MAGI2: variants seen among roughly 807,000 people sequenced by gnomAD.
MAGI2 encodes the protein membrane-associated guanylate kinase, WW and PDZ domain-containing protein 2.
A neutral mutation model predicts 133.3 loss-of-function variants in MAGI2; 35 were observed. That is an observed-to-expected ratio of 0.26 (90% CI 0.20 to 0.35). The LOEUF (loss-of-function observed/expected upper bound fraction) is 0.35. Among genes scored for constraint, MAGI2 ranks in the 10% least tolerant of loss-of-function variants. The pLI, the probability that MAGI2 is intolerant of heterozygous loss-of-function variation, is 1.00. For missense variants in MAGI2, 1,636 were observed against 1,863.4 expected (o/e 0.88, Z 2.25); for synonymous variants, 729 against 710.6 (o/e 1.03, Z -0.41).
chr7:78,645,528 C>T (rs374808628), intron 2 of MAGI2, among the ~76,000 whole-genome samples: 1 of 151,886 alleles, frequency 6.6e-6, no homozygotes, highest in African/African-American at 2.4e-5. Flanking sequence ...TATAATTCAC[C>T]ATATCAACAA....
At chr7:78,061,413 C>A (rs1031345366) in intron 21 of MAGI2, among the ~76,000 whole-genome samples, 1 of 10,932 alleles carries the variant, frequency 9.1e-5, no homozygotes, top group Admixed American at 8.7e-4. Context: ...TGGTTGTACA[C>A]ACACACACAC....
chr7:78,713,393 G>T (rs1417823018), intron 2 of MAGI2, among the ~76,000 whole-genome samples: 3 of 152,138 alleles, frequency 2.0e-5, no homozygotes, highest in Non-Finnish European at 2.9e-5. Flanking sequence ...AGTCAGTGGG[G>T]ATGAAGGCAG....
intron 16 of MAGI2, among the ~76,000 whole-genome samples, chr7:78,139,379 G>C (rs1451800418): frequency 1.3e-5 from 2 of 152,160 alleles, no homozygotes; most frequent in African/African-American, 2.4e-5. Context: ...TCTCTGACAA[G>C]GGATGTGCTC....
At position 79,123,276 on chromosome 7, in the gene MAGI2, C is replaced by G. The variant is rs1446928612; in HGVS notation, c.302-116070G>C. 5.9e-5 allele frequency among the ~76,000 whole-genome samples: 9 copies of G among 152,120 alleles called. No individual in the cohort carries two copies. In the South Asian group the frequency reaches 1.9e-3, roughly 31 times the overall value. ...GGTTTTGAAACTTTACCTCAATAAA[C>G]AGCTTCTCTTTTTCTCTTTCTTTTT... On this transcript the variant is annotated intron_variant, in intron 1 of 21. Transcript: ENST00000354212.
At chr7:78,838,368 G>A (rs1453687506) in intron 2 of MAGI2, among the ~76,000 whole-genome samples, 3 of 151,962 alleles carry the variant, frequency 2.0e-5, no homozygotes, top group Non-Finnish European at 4.4e-5. Flanking sequence ...AAGAATGCTG[G>A]TGAAATAGAG....
chr7:79,043,087 T>C (rs1005446369), intron 1 of MAGI2, among the ~76,000 whole-genome samples: 9 of 151,972 alleles, frequency 5.9e-5, no homozygotes, highest in Admixed American at 3.3e-4. Flanking sequence ...AAAACAGTAT[T>C]AAGAAGAAAG....
At chr7:78,926,317 G>C (rs1799688271) in intron 2 of MAGI2, among the ~76,000 whole-genome samples, 1 of 152,012 alleles carries the variant, frequency 6.6e-6, no homozygotes, top group Admixed American at 6.6e-5. Flanking sequence ...CCTAGTAAAA[G>C]CAGGTAGCAG....
intron 9 of MAGI2, among the ~76,000 whole-genome samples, chr7:78,327,286 T>A (rs1225079163): frequency 2.0e-5 from 3 of 152,260 alleles, no homozygotes; most frequent in Non-Finnish European, 2.9e-5. Context: ...TGAGTTGCGA[T>A]GGCTTCATTG....
chr7:79,243,486 G>A (rs1185173887), intron 1 of MAGI2, among the ~76,000 whole-genome samples: 1 of 152,158 alleles, frequency 6.6e-6, no homozygotes, highest in Non-Finnish European at 1.5e-5. Context: ...TGAGAAAAAT[G>A]GGATGTGAGT....
intron 6 of MAGI2, among the ~76,000 whole-genome samples, chr7:78,471,906 C>T (rs559695942): frequency 2.0e-5 from 3 of 151,134 alleles, no homozygotes; most frequent in African/African-American, 7.3e-5. Context: ...GCCTGGGCAA[C>T]AGAGCAAGAC....
chr7:79,057,201 C>T (rs979683773), intron 1 of MAGI2, among the ~76,000 whole-genome samples: 2 of 152,090 alleles, frequency 1.3e-5, no homozygotes, highest in Non-Finnish European at 2.9e-5. Flanking sequence ...AATTTTAAGG[C>T]TTAAAGGTCC....
intron 2 of MAGI2, among the ~76,000 whole-genome samples, chr7:78,799,285 A>G (rs1304421789): frequency 6.6e-6 from 1 of 152,174 alleles, no homozygotes; most frequent in African/African-American, 2.4e-5. Context: ...TAAGCATTGC[A>G]AACACAAAAT....
intron 6 of MAGI2, among the ~76,000 whole-genome samples, chr7:78,440,822 G>T (rs1787546690): frequency 6.6e-6 from 1 of 152,010 alleles, no homozygotes; most frequent in Non-Finnish European, 1.5e-5. Context: ...GCGTGGTAGT[G>T]GGTGCCTGTA....
intron 1 of MAGI2, among the ~76,000 whole-genome samples, chr7:79,182,111 G>A (rs1422539074): frequency 2.6e-5 from 4 of 151,868 alleles, no homozygotes; most frequent in African/African-American, 7.3e-5. Flanking sequence ...TCCAATCTCT[G>A]CCTGTTACCC....
At chr7:78,447,589 A>G (rs142723759) in intron 6 of MAGI2, among the ~76,000 whole-genome samples, 1,701 of 152,164 alleles carry the variant, frequency 0.011, 26 homozygotes, top group African/African-American at 0.037. Flanking sequence ...TGTCAGTGAC[A>G]TTTCAAGTGA....
At chr7:78,240,778 G>A (rs1791053227) in intron 10 of MAGI2, among the ~76,000 whole-genome samples, 2 of 151,944 alleles carry the variant, frequency 1.3e-5, no homozygotes, top group Non-Finnish European at 2.9e-5. Context: ...TGCTAAGAGT[G>A]GACATTAAAT....
chr7:79,320,036 T>A (rs1012768174), intron 1 of MAGI2, among the ~76,000 whole-genome samples: 1 of 152,162 alleles, frequency 6.6e-6, no homozygotes, highest in Admixed American at 6.5e-5. Context: ...TCCTTCTTTG[T>A]GCTACTGAGG....
At chr7:78,636,888 C>G (rs568760533) in intron 2 of MAGI2, among the ~76,000 whole-genome samples, 23 of 152,128 alleles carry the variant, frequency 1.5e-4, no homozygotes, top group Non-Finnish European at 2.6e-4. Context: ...TGTTAAAGCA[C>G]AGATAGCTGG....
chr7:79,221,038 C>T (rs899181960), intron 1 of MAGI2, among the ~76,000 whole-genome samples: 5 of 151,914 alleles, frequency 3.3e-5, no homozygotes, highest in African/African-American at 7.3e-5. Context: ...AGCAATACCA[C>T]GTGCACCTGA....
Sources: allele counts gnomAD v4.1 joint callset (sites outside exome capture counted in the v4.1 genomes callset), GRCh38; gene constraint gnomAD v4.1.1; transcripts MANE v1.5; gene names NCBI Gene and HGNC (gene_info 2026-07-23, HGNC 2026-07-21).